CYBRD1: variants seen among roughly 807,000 people sequenced by gnomAD.
The protein encoded by CYBRD1 is cytochrome b reductase 1, also known as plasma membrane ascorbate-dependent reductase CYBRD1.
CYBRD1 carries 14 observed loss-of-function variants against 21.9 expected under a neutral mutation model. The observed-to-expected ratio is 0.64, with a 90% CI of 0.42 to 1.00. CYBRD1 has a LOEUF of 1.00. Among genes scored for constraint, CYBRD1 ranks in the 50% least tolerant of loss-of-function variants. The probability of loss-of-function intolerance (pLI) is 0.00; values close to 1 mark genes in which losing one functional copy is unlikely to be tolerated. For missense variants in CYBRD1, 328 were observed against 352.5 expected (o/e 0.93, Z 0.56); for synonymous variants, 146 against 136.5 (o/e 1.07, Z -0.48).
chr2:171,532,307 TA>T (rs1250253152), intron 1 of CYBRD1, among the ~76,000 whole-genome samples: 15 of 152,226 alleles, frequency 9.9e-5, no homozygotes, highest in South Asian at 2.1e-4. Flanking sequence ...ACACCATGTT[TA>T]AGTAGAATTC....
Position 171,557,088 on chromosome 2 carries a change from T to C in CYBRD1, c.*2261T>C, listed in dbSNP as rs1255315811. Reference sequence around the variant, plus strand: ...TTCATGTGGGCTAATGTGAGGATAATCTTACAGATATTATAGGAATTTCTT... The same window carrying C: ...TTCATGTGGGCTAATGTGAGGATAACCTTACAGATATTATAGGAATTTCTT... On this transcript the variant is annotated 3_prime_UTR_variant, in exon 4 of 4. Coordinates refer to ENST00000321348, the MANE Select transcript of CYBRD1 (RefSeq NM_024843.4). 6.6e-6 allele frequency: 1 copy of C among 152,638 alleles called. No individual in the cohort carries two copies. The highest frequency in any genetic ancestry group is 1.5e-5 in the Non-Finnish European group (1 of 68,040). 9.5% of individuals were successfully genotyped at this position (152,638 alleles called of 1,614,324 possible).
Sources: gnomAD v4.1 joint callset for allele counts (sites outside exome capture counted in the v4.1 genomes callset) on GRCh38, gnomAD v4.1.1 for gene constraint, MANE v1.5 for transcripts, NCBI Gene and HGNC (gene_info 2026-07-23, HGNC 2026-07-21) for gene names.